The following GNL3 variants were observed in gnomAD, a reference collection of about 807,000 sequenced individuals.
GNL3 encodes the protein G protein nucleolar 3.
In GNL3, 77 loss-of-function variants were observed where a neutral mutation model predicts 70.6. The ratio of observed to expected loss-of-function variants is 1.09; its 90% CI spans 0.91 to 1.32. The LOEUF is 1.32. Among genes scored for constraint, GNL3 ranks in the 40% most tolerant of loss-of-function variants. The pLI is 0.00. For missense variants in GNL3, 634 were observed against 644.0 expected (o/e 0.98, Z 0.17); for synonymous variants, 252 against 216.1 (o/e 1.17, Z -1.46).
At chr3:52,693,380 T>C in intron 11 of GNL3, 28 bp from the exon 12 acceptor site, 1 of 1,614,076 alleles carries the variant, frequency 6.2e-7, no homozygotes, top group Non-Finnish European at 8.5e-7. Context: ...ATAAACCTTC[T>C]TTTGACACAT....
chr3:52,689,293 C>T (rs78417298), intron 6 of GNL3, 87 bp downstream of exon 6: 23,639 of 1,232,406 alleles, frequency 0.019, 294 homozygotes, highest in Non-Finnish European at 0.024. Flanking sequence ...CTGATTAGAT[C>T]CAACTCTGAT....
At chr3:52,686,521 A>T (rs1360095309) in intron 1 of GNL3, 6 of 579,020 alleles carry the variant, frequency 1.0e-5, no homozygotes, top group Admixed American at 3.2e-5. Flanking sequence ...TGTGTCTCAT[A>T]CGCTGTTGTG....
rs774281884 is a variant in GNL3, at chr3:52,693,746, A to G, written c.1439A>G (p.Lys480Arg). The change falls in exon 13 of 15, where the codon AAG (lysine) becomes AGG (arginine). Residue 480 changes from lysine (K) to arginine (R), a missense_variant. Lys to Arg is a conservative substitution (Grantham distance 26). Coordinates refer to ENST00000418458, the MANE Select transcript of GNL3 (RefSeq NM_014366.5). ...HEELPKRKER[K>R]QEEREDDKDS... ...GAATTGCCAAAACGGAAAGAAAGGA[A>G]GCAGGAGGAGAGGGAGGATGACAAA... 6.2e-7 allele frequency: 1 copy of G among 1,613,444 alleles called. No homozygotes were observed. Among genetic ancestry groups the G allele is most frequent in the South Asian group, 1.1e-5 (1 of 91,082 alleles).
rs71087009 is a variant in GNL3 at position 52,692,369 on chromosome 3, A to ACTTTTTTTTTTTTTTTTTTTTTTTTTTTT, written c.870-503_870-502insCTTTTTTTTTTTTTTTTTTTTTTTTTTTT. On this transcript the variant is annotated intron_variant, in intron 9 of 14. Transcript: ENST00000418458. Reference sequence around the variant, plus strand: ...GCCACTGTGCCTGGCCAACTTTTAGATTTTTTTTTTTTGGGAGATGGAGTC... The same window carrying ACTTTTTTTTTTTTTTTTTTTTTTTTTTTT: ...GCCACTGTGCCTGGCCAACTTTTAGACTTTTTTTTTTTTTTTTTTTTTTTTTTTTTTTTTTTTTTTTGGGAGATGGAGTC... Among the ~76,000 whole-genome samples, 4 of 126,408 alleles carry ACTTTTTTTTTTTTTTTTTTTTTTTTTTTT rather than the reference A, an allele frequency of 3.2e-5. 1 individual carries two copies. Among genetic ancestry groups the ACTTTTTTTTTTTTTTTTTTTTTTTTTTTT allele is most frequent in the African/African-American group, 9.3e-5 (3 of 32,162 alleles). The allele number at this position is 126,408 out of a possible 152,430, so 82.9% of individuals were successfully genotyped here. A position where few individuals can be genotyped will look rare whatever the true frequency, so the allele number is the denominator to read the frequency against.
intron 9 of GNL3, 145 bp from the exon 10 acceptor site, chr3:52,692,726 GT>G (rs1287275019): frequency 2.6e-6 from 2 of 772,874 alleles, no homozygotes; most frequent in Non-Finnish European, 4.7e-6. Context: ...TGCTGTTACA[GT>G]TTTAGATAAA....
At position 52,693,420 on chromosome 3, in the gene GNL3, T is replaced by G; in HGVS notation, c.1200T>G (p.Ala400=). The change falls in exon 12 of 15, where the codon GCT becomes GCG. Residue 400 remains alanine (A), a synonymous_variant. Transcript: ENST00000418458. ...LWSEWTGASL[A]YYCHPPTSWT... ...TTTTTAATATCAGTGCCTCATTAGC[T>G]TACTATTGCCATCCCCCTACATCTT... 1 of 1,614,142 alleles carries G rather than the reference T, an allele frequency of 6.2e-7. No individual in the cohort carries two copies. Among genetic ancestry groups the G allele is most frequent in the South Asian group, 1.1e-5 (1 of 91,078 alleles).
chr3:52,693,085 T>C, intron 10 of GNL3, 39 bp downstream of exon 10: 1 of 1,607,698 alleles, frequency 6.2e-7, no homozygotes, highest in Non-Finnish European at 8.5e-7. Context: ...TGGAGCCATC[T>C]TCTTTCATCA....
Position 52,686,098 on chromosome 3 carries a change from A to C in GNL3, c.6A>C (p.Lys2Asn). The C allele has an allele frequency of 1.3e-6, 2 of 1,500,642 alleles. No homozygotes were observed. Among genetic ancestry groups the C allele is most frequent in the Non-Finnish European group, 1.9e-6 (2 of 1,076,276 alleles). The allele number at this position is 1,500,642 out of a possible 1,614,324, so 93.0% of individuals were successfully genotyped here. The change falls in exon 1 of 15, where the codon AAA (lysine) becomes AAC (asparagine). Residue 2 changes from lysine to asparagine, a missense_variant. Coordinates refer to ENST00000418458, the MANE Select transcript of GNL3 (RefSeq NM_014366.5). M[K>N]RPKLKKASKR... ...TGCTTCCTTCTACAGCCAATATGAAAAGGCCTAGTAAGTGGGGTCGGGAGG... is the reference window on the plus strand; with the variant it reads ...TGCTTCCTTCTACAGCCAATATGAACAGGCCTAGTAAGTGGGGTCGGGAGG...
intron 5 of GNL3, chr3:52,688,835 G>A (rs2154099498): frequency 3.8e-6 from 2 of 523,446 alleles, no homozygotes; most frequent in Non-Finnish European, 6.9e-6. Context: ...TTGCATTTTT[G>A]AAATCCATCT....
At chr3:52,691,467 A>C (rs1403873187) in intron 8 of GNL3, 75 bp from the exon 9 acceptor site, 3 of 871,014 alleles carry the variant, frequency 3.4e-6, no homozygotes, top group Non-Finnish European at 5.8e-6. Context: ...AGGGAAATGG[A>C]AAATTAGGCA....
intron 6 of GNL3, 190 bp downstream of exon 6, chr3:52,689,396 C>T: frequency 1.4e-6 from 1 of 704,534 alleles, no homozygotes; most frequent in South Asian, 1.4e-5. Context: ...CTGGTTTCTA[C>T]TATTCTTTTG....
Position 52,693,733 on chromosome 3 carries a change from C to A in GNL3, c.1426C>A (p.Arg476=). Residue 476 remains arginine (R), a synonymous_variant, in exon 13 of 15, where the codon CGG becomes AGG. Transcript: ENST00000418458. ...EKDIHEELPK[R]KERKQEERED... ...GGACATACATGAAGAATTGCCAAAA[C>A]GGAAAGAAAGGAAGCAGGAGGAGAG... 6.2e-7 allele frequency: 1 copy of A among 1,613,558 alleles called. No individual in the cohort carries two copies. Among genetic ancestry groups the A allele is most frequent in the African/African-American group, 1.3e-5 (1 of 74,672 alleles).
chr3:52,691,439 GATCTT>G, intron 8 of GNL3, 98 bp from the exon 9 acceptor site: 1 of 741,186 alleles, frequency 1.3e-6, no homozygotes, highest in Admixed American at 2.3e-5. Flanking sequence ...ATCCAACTCT[GATCTT>G]GCCCTAAACA....
At chr3:52,688,554 TA>T (rs796479910) in intron 5 of GNL3, among the ~76,000 whole-genome samples, 15 of 151,088 alleles carry the variant, frequency 9.9e-5, no homozygotes, top group Admixed American at 2.6e-4. Context: ...TTTACAACAT[TA>T]AAAAAAAACG....
chr3:52,689,423 A>G (rs1187789092), intron 6 of GNL3: 2 of 626,718 alleles, frequency 3.2e-6, no homozygotes, highest in African/African-American at 3.6e-5. Flanking sequence ...AGTATTTACC[A>G]TCTTTTAAAT....
chr3:52,688,842 A>G, intron 5 of GNL3: 1 of 543,848 alleles, frequency 1.8e-6, no homozygotes, highest in Non-Finnish European at 3.3e-6. Flanking sequence ...TTTGAAATCC[A>G]TCTTGATCAG....
Position 52,694,107 on chromosome 3 carries a change from A to AG in GNL3, c.1567+6dup, listed in dbSNP as rs770453428. The AG allele has an allele frequency of 1.3e-4, 205 of 1,610,572 alleles. No individual in the cohort carries two copies. Among genetic ancestry groups the AG allele is most frequent in the Non-Finnish European group, 1.7e-4 (198 of 1,176,808 alleles). The stretch of plus-strand genomic sequence containing the variant: ...CTGTCTGAGGAGACTACAGCAGGTG[A>AG]GGCAGGCAAAAGGGGTTCTAACGAA... On this transcript the variant is annotated splice_donor_region_variant and intron_variant, in intron 14 of 14. Coordinates refer to ENST00000418458, the MANE Select transcript of GNL3 (RefSeq NM_014366.5).
intron 3 of GNL3, 37 bp downstream of exon 3, chr3:52,687,420 T>C: frequency 6.2e-7 from 1 of 1,608,552 alleles, no homozygotes; most frequent in Non-Finnish European, 8.5e-7. Context: ...TTGAGTGGTG[T>C]AGTGTGTTAT....
intron 10 of GNL3, 49 bp from the exon 11 acceptor site, chr3:52,693,138 C>G: frequency 6.3e-7 from 1 of 1,594,458 alleles, no homozygotes; most frequent in Non-Finnish European, 8.5e-7. Context: ...TTTTAAAGTA[C>G]TGGCATGTCA....
Sources: gnomAD v4.1 joint callset for allele counts (sites outside exome capture counted in the v4.1 genomes callset) on GRCh38, gnomAD v4.1.1 for gene constraint, MANE v1.5 for transcripts, NCBI Gene and HGNC (gene_info 2026-07-23, HGNC 2026-07-21) for gene names.